LCA5L: variants seen among roughly 807,000 people sequenced by gnomAD.
LCA5L encodes the protein lebercilin LCA5 like.
Under a neutral mutation model 45.4 loss-of-function variants are expected in LCA5L, and 35 were observed. That is an observed-to-expected ratio of 0.77 (90% CI 0.59 to 1.02). The LOEUF is 1.02. Among genes scored for constraint, LCA5L ranks in the 50% least tolerant of loss-of-function variants. LCA5L has a pLI of 0.00. For synonymous variants in LCA5L, 233 were observed against 264.7 expected (o/e 0.88, Z 1.16); for missense variants, 668 against 761.6 (o/e 0.88, Z 1.45).
At chr21:39,429,429 TATTAGC>T (rs1007039247) in intron 3 of LCA5L, 83 of 152,358 alleles carry the variant, frequency 5.4e-4, no homozygotes, top group African/African-American at 1.9e-3. Flanking sequence ...TAATAATTAA[TATTAGC>T]ATTACACTTA....
intron 3 of LCA5L, among the ~76,000 whole-genome samples, chr21:39,430,694 C>A (rs537755383): frequency 6.6e-6 from 1 of 152,312 alleles, no homozygotes; most frequent in East Asian, 1.9e-4. Context: ...GCTAAGTAAT[C>A]ATTTCTAAGC....
intron 7 of LCA5L, chr21:39,413,802 G>A (rs1401992729): frequency 2.0e-5 from 3 of 152,186 alleles, no homozygotes; most frequent in Non-Finnish European, 4.4e-5. Flanking sequence ...ACATTTTCAT[G>A]TTTACAGGGA....
intron 6 of LCA5L, chr21:39,422,292 A>G (rs1426633315): frequency 6.6e-6 from 1 of 152,264 alleles, no homozygotes; most frequent in Non-Finnish European, 1.5e-5. Context: ...AAACTAGCTA[A>G]TGTAAGATAT....
intron 10 of LCA5L, among the ~76,000 whole-genome samples, chr21:39,407,415 T>C (rs1352516129): frequency 6.6e-6 from 1 of 152,220 alleles, no homozygotes; most frequent in Non-Finnish European, 1.5e-5. Flanking sequence ...TTTGGCAGTA[T>C]CAAGATTTTA....
At chr21:39,417,999 C>T (rs1330615030) in intron 7 of LCA5L, among the ~76,000 whole-genome samples, 1 of 152,184 alleles carries the variant, frequency 6.6e-6, no homozygotes, top group Non-Finnish European at 1.5e-5. Context: ...ATCTCCTGAC[C>T]TCGTGATCCA....
intron 3 of LCA5L, 156 bp from the exon 4 acceptor site, chr21:39,429,367 A>G (rs1465653280): frequency 6.6e-6 from 1 of 152,214 alleles, no homozygotes; most frequent in East Asian, 1.9e-4. Context: ...TTCTGATGAA[A>G]TATATTAGGC....
intron 7 of LCA5L, 30 bp from the exon 8 acceptor site, chr21:39,411,832 A>G: frequency 2.3e-6 from 3 of 1,288,786 alleles, no homozygotes; most frequent in East Asian, 2.3e-5. Flanking sequence ...CAATTTTTCT[A>G]TAAATGCTTG....
At chr21:39,425,240 G>A (rs905723364) in intron 5 of LCA5L, among the ~76,000 whole-genome samples, 1 of 152,200 alleles carries the variant, frequency 6.6e-6, no homozygotes, top group Non-Finnish European at 1.5e-5. Context: ...ACTGGTCCAA[G>A]TGTGGACACA....
At chr21:39,424,598 G>T (rs1039406612) in intron 5 of LCA5L, among the ~76,000 whole-genome samples, 18 of 152,190 alleles carry the variant, frequency 1.2e-4, no homozygotes, top group African/African-American at 4.1e-4. Flanking sequence ...TCAACAATAT[G>T]TTATGGGTAA....
In LCA5L at chr21:39,406,051, C is replaced by G. The variant is rs750984933; in HGVS notation, c.1844G>C (p.Ser615Thr). Reference sequence around the variant, plus strand: ...CTCTGAGCCTTTTGCAACACCAGGACTTGATTGGTCAGTTTTCAAGACATA... The same window carrying G: ...CTCTGAGCCTTTTGCAACACCAGGAGTTGATTGGTCAGTTTTCAAGACATA... The part of the protein sequence containing the change: ...SGYVLKTDQS[S>T]PGVAKGSEEP... The change falls in exon 11 of 11, where the codon AGT (serine) becomes ACT (threonine). Residue 615 changes from serine (S) to threonine (T), a missense_variant. Coordinates refer to ENST00000288350, the MANE Select transcript of LCA5L (RefSeq NM_152505.4). 2 of 1,614,080 alleles carry G rather than the reference C, an allele frequency of 1.2e-6. No homozygotes were observed. The highest frequency in any genetic ancestry group is 1.7e-6 in the Non-Finnish European group (2 of 1,180,028).
At chr21:39,423,811 T>TTGAC (rs2074155922) in intron 5 of LCA5L, among the ~76,000 whole-genome samples, 1 of 152,146 alleles carries the variant, frequency 6.6e-6, no homozygotes, top group Non-Finnish European at 1.5e-5. Flanking sequence ...CAGGTCTTCT[T>TTGAC]TGACTCTAAA....
chr21:39,406,837 A>G (rs1050965094), intron 10 of LCA5L: 6 of 444,212 alleles, frequency 1.4e-5, no homozygotes, highest in Non-Finnish European at 2.0e-5. Context: ...GAATTATGAA[A>G]CCAAAAGAAA....
chr21:39,445,725 C>T lies in LCA5L; in HGVS notation c.-313G>A, dbSNP rs2077427274. The T allele has an allele frequency of 6.6e-6, 1 of 152,336 alleles. No individual in the cohort carries two copies. Among genetic ancestry groups the T allele is most frequent in the African/African-American group, 2.4e-5 (1 of 41,458 alleles). The allele number at this position is 152,336 out of a possible 1,614,324, so 9.4% of individuals were successfully genotyped here. ...ACGACGGCAGCAGCGGGGCCGTTAC[C>T]TGCTCCGCGCTGTTCCCACGACTGC... On this transcript the variant is annotated splice_region_variant and 5_prime_UTR_variant, in exon 1 of 11. Transcript: ENST00000288350.
intron 2 of LCA5L, among the ~76,000 whole-genome samples, chr21:39,441,430 A>G (rs2076848213): frequency 6.6e-6 from 1 of 152,208 alleles, no homozygotes; most frequent in African/African-American, 2.4e-5. Context: ...TAAGGCAAGA[A>G]ATTAGGTGAT....
intron 7 of LCA5L, among the ~76,000 whole-genome samples, chr21:39,413,493 C>A (rs904592521): frequency 6.6e-6 from 1 of 152,098 alleles, no homozygotes; most frequent in Non-Finnish European, 1.5e-5. Context: ...TATTTTTGTA[C>A]CTGAATTGTA....
intron 7 of LCA5L, among the ~76,000 whole-genome samples, chr21:39,415,869 C>G (rs2041051435): frequency 6.6e-6 from 1 of 152,090 alleles, no homozygotes; most frequent in African/African-American, 2.4e-5. Context: ...GAGCATGTTC[C>G]TCTCCCCTCT....
At chr21:39,430,526 T>A (rs1437497290) in intron 3 of LCA5L, among the ~76,000 whole-genome samples, 6 of 152,174 alleles carry the variant, frequency 3.9e-5, no homozygotes, top group Non-Finnish European at 1.5e-5. Context: ...GTCACTTAAG[T>A]GCTCTTGTCC....
At chr21:39,426,494 T>C (rs1488538910) in intron 5 of LCA5L, among the ~76,000 whole-genome samples, 1 of 152,140 alleles carries the variant, frequency 6.6e-6, no homozygotes, top group Non-Finnish European at 1.5e-5. Context: ...TTTCAGAATT[T>C]GGGGGTGGGT....
Position 39,423,367 on chromosome 21 carries a change from T to C in LCA5L, c.446A>G (p.His149Arg). 1 of 1,612,610 alleles carries C rather than the reference T, an allele frequency of 6.2e-7. No individual in the cohort carries two copies. Among genetic ancestry groups the C allele is most frequent in the African/African-American group, 1.3e-5 (1 of 75,058 alleles). The change falls in exon 6 of 11, where the codon CAT becomes CGT. Residue 149 changes from histidine to arginine, a missense_variant. Physicochemically the swap from His to Arg is conservative, Grantham distance 29. Coordinates refer to ENST00000288350, the MANE Select transcript of LCA5L (RefSeq NM_152505.4). ...MAHRILSARL[H>R]KIKGLKNELA... ...TTCATTTTTTAGTCCTTTAATTTTA[T>C]GAAGCCTTGCTGAGAGTATTCGATG...
Sources: gnomAD v4.1 joint callset for allele counts (sites outside exome capture counted in the v4.1 genomes callset) on GRCh38, gnomAD v4.1.1 for gene constraint, MANE v1.5 for transcripts, NCBI Gene and HGNC (gene_info 2026-07-23, HGNC 2026-07-21) for gene names.